AGAP1: variants seen among roughly 807,000 people sequenced by gnomAD.
AGAP1 encodes the protein ArfGAP with GTPase domain, ankyrin repeat and PH domain 1, also known as arf-GAP with GTPase, ANK repeat and PH domain-containing protein 1.
A neutral mutation model predicts 105.3 loss-of-function variants in AGAP1; 29 were observed. That is an observed-to-expected ratio of 0.28 (90% confidence interval 0.21 to 0.38). AGAP1 has a LOEUF of 0.38. Among genes scored for constraint, AGAP1 ranks in the 10% least tolerant of loss-of-function variants. The pLI is 1.00. For synonymous variants in AGAP1, 509 were observed against 485.9 expected (o/e 1.05, Z -0.63); for missense variants, 998 against 1,165.1 (o/e 0.86, Z 2.09).
chr2:235,900,049 G>A lies in AGAP1; in HGVS notation c.1156-8689G>A, dbSNP rs899932049. ...CCACGCATGTTGGACACTGGCCTCCGCAGCACATGAAGCAGAGAAGTCTGC... is the reference window on the plus strand; with the variant it reads ...CCACGCATGTTGGACACTGGCCTCCACAGCACATGAAGCAGAGAAGTCTGC... On this transcript the variant is annotated intron_variant, in intron 10 of 17. Coordinates refer to ENST00000304032, the MANE Select transcript of AGAP1 (RefSeq NM_001037131.3). The surrounding 1 kb of genome is among the most constrained non-coding windows in gnomAD (Gnocchi z 5.5). Among the ~76,000 whole-genome samples the A allele has an allele frequency of 3.3e-5, 5 of 152,282 alleles. No individual in the cohort carries two copies. Among genetic ancestry groups the A allele is most frequent in the African/African-American group, 9.6e-5 (4 of 41,548 alleles).
rs551993235 is a variant in AGAP1, at chr2:235,551,486, G to C, written c.163+56637G>C. Among the ~76,000 whole-genome samples, 1 of 151,944 alleles carries C rather than the reference G, an allele frequency of 6.6e-6. No individual in the cohort carries two copies. The highest frequency in any genetic ancestry group is 1.9e-4 in the East Asian group (1 of 5,142). ...ACACCTGGCTGATTTTTTTTGTAGA[G>C]ACGGGTCGTCCAGTGATACTCAGAT... On this transcript the variant is annotated intron_variant, in intron 1 of 17. Coordinates refer to ENST00000304032, the MANE Select transcript of AGAP1 (RefSeq NM_001037131.3). The surrounding 1 kb of genome is among the most constrained non-coding windows in gnomAD (Gnocchi z 4.8).
At chr2:235,644,798 A>C (rs1947318372) in intron 1 of AGAP1, among the ~76,000 whole-genome samples, 1 of 152,176 alleles carries the variant, frequency 6.6e-6, no homozygotes, top group African/African-American at 2.4e-5. Flanking sequence ...TGTTGACGCT[A>C]TAGCAATATT....
intron 1 of AGAP1, among the ~76,000 whole-genome samples, chr2:235,584,395 TA>T (rs1035945055): frequency 3.3e-5 from 5 of 150,722 alleles, no homozygotes; most frequent in Non-Finnish European, 7.4e-5. Context: ...GTTCAAGTCC[TA>T]ACCTTGGTAG....
intron 1 of AGAP1, among the ~76,000 whole-genome samples, chr2:235,632,720 G>A (rs944247742): frequency 1.3e-5 from 2 of 152,140 alleles, no homozygotes; most frequent in African/African-American, 2.4e-5. Context: ...TTAGGTGGCC[G>A]TGTTTCCCAT....
At chr2:235,909,230 G>T (rs577556116) in intron 11 of AGAP1, among the ~76,000 whole-genome samples, 1 of 152,318 alleles carries the variant, frequency 6.6e-6, no homozygotes, top group African/African-American at 2.4e-5. Context: ...ACGTTAAAGT[G>T]TCAAAGATTA....
chr2:235,818,363 C>T (rs901092286), intron 9 of AGAP1, among the ~76,000 whole-genome samples: 1 of 152,208 alleles, frequency 6.6e-6, no homozygotes, highest in Non-Finnish European at 1.5e-5. Flanking sequence ...GGAGTCCTCT[C>T]TGAAACATTC....
rs535981689 is a variant in AGAP1, at chr2:235,936,699, G to A, written c.1483+5776G>A. On this transcript the variant is annotated intron_variant, in intron 12 of 17. Transcript: ENST00000304032. The surrounding 1 kb of genome is among the most constrained non-coding windows in gnomAD (Gnocchi z 4.7). ...CGGTAATGTGATACTGCCGGTCTCTGACCTGGAAGCTTCTTTGATGGGAGG... is the reference window on the plus strand; with the variant it reads ...CGGTAATGTGATACTGCCGGTCTCTAACCTGGAAGCTTCTTTGATGGGAGG... 6.6e-6 allele frequency among the ~76,000 whole-genome samples: 1 copy of A among 152,246 alleles called. No individual in the cohort carries two copies. Among genetic ancestry groups the A allele is most frequent in the East Asian group, 1.9e-4 (1 of 5,160 alleles).
chr2:235,588,736 AG>A (rs1332910914), intron 1 of AGAP1, among the ~76,000 whole-genome samples: 5 of 152,182 alleles, frequency 3.3e-5, no homozygotes, highest in African/African-American at 1.2e-4. Flanking sequence ...GGAGATTACT[AG>A]GGTAAATTAT....
rs555388912 is a variant in AGAP1, at chr2:236,114,161, G to A, written c.2115-6031G>A. On this transcript the variant is annotated intron_variant, in intron 16 of 17. Coordinates refer to ENST00000304032, the MANE Select transcript of AGAP1 (RefSeq NM_001037131.3). This position sits in a 1 kb window ranked among gnomAD's most constrained non-coding sequence, Gnocchi z 5.0. ...GGAGGCTGTGAACGGTGATCCTCCC[G>A]GGGATTGGAATGAGGGGAGGTGATC... Among the ~76,000 whole-genome samples, 24 of 152,170 alleles carry A rather than the reference G, an allele frequency of 1.6e-4. No individual in the cohort carries two copies. Among genetic ancestry groups the A allele is most frequent in the Non-Finnish European group, 2.9e-4 (20 of 68,004 alleles).
chr2:235,838,902 C>G (rs968581145), intron 9 of AGAP1, among the ~76,000 whole-genome samples: 1 of 151,946 alleles, frequency 6.6e-6, no homozygotes, highest in Non-Finnish European at 1.5e-5. Context: ...TTTGGACTTA[C>G]AAGTGAAAAA....
intron 9 of AGAP1, among the ~76,000 whole-genome samples, chr2:235,841,595 A>C (rs1213317050): frequency 1.3e-5 from 2 of 152,132 alleles, no homozygotes; most frequent in Non-Finnish European, 2.9e-5. Flanking sequence ...TCGCCACTGC[A>C]CTCCAGTGTG....
rs1189615073 is a variant in AGAP1 at position 235,875,743 on chromosome 2, G to A, written c.1051-7602G>A. On this transcript the variant is annotated intron_variant, in intron 9 of 17. Coordinates refer to ENST00000304032, the MANE Select transcript of AGAP1 (RefSeq NM_001037131.3). The surrounding 1 kb of genome is among the most constrained non-coding windows in gnomAD (Gnocchi z 4.0). Reference sequence around the variant, plus strand: ...GAGACTTGTGTGTTAGTTGTGCACAGATACCTACACTTCCCACTGCCCGAC... The same window carrying A: ...GAGACTTGTGTGTTAGTTGTGCACAAATACCTACACTTCCCACTGCCCGAC... Among the ~76,000 whole-genome samples the A allele has an allele frequency of 6.6e-6, 1 of 152,162 alleles. No individual in the cohort carries two copies. The highest frequency in any genetic ancestry group is 2.4e-5 in the African/African-American group (1 of 41,432).
chr2:235,578,589 C>G lies in AGAP1; in HGVS notation c.163+83740C>G, dbSNP rs1027196831. Among the ~76,000 whole-genome samples the G allele has an allele frequency of 4.0e-5, 6 of 151,816 alleles. No individual in the cohort carries two copies. The highest frequency in any genetic ancestry group is 8.8e-5 in the Non-Finnish European group (6 of 67,948). On this transcript the variant is annotated intron_variant, in intron 1 of 17. Coordinates refer to ENST00000304032, the MANE Select transcript of AGAP1 (RefSeq NM_001037131.3). This position sits in a 1 kb window ranked among gnomAD's most constrained non-coding sequence, Gnocchi z 4.9. ...CTTGAGGTCAGGAGTTTGAGACCAG[C>G]CTGGGCAACATGGTGAAACCTCGTC...
At chr2:236,034,056 TA>T (rs1308535451) in intron 13 of AGAP1, among the ~76,000 whole-genome samples, 3 of 152,210 alleles carry the variant, frequency 2.0e-5, no homozygotes, top group Non-Finnish European at 2.9e-5. Context: ...AACTGTGAGT[TA>T]TGTAGTTTTT....
intron 1 of AGAP1, among the ~76,000 whole-genome samples, chr2:235,500,483 C>T (rs957608127): frequency 3.9e-5 from 6 of 152,234 alleles, no homozygotes; most frequent in Non-Finnish European, 8.8e-5. Flanking sequence ...GGAAAGGCAG[C>T]TCCAGTTGAC....
chr2:235,575,270 T>G (rs1944695994), intron 1 of AGAP1, among the ~76,000 whole-genome samples: 1 of 152,206 alleles, frequency 6.6e-6, no homozygotes, highest in Non-Finnish European at 1.5e-5. Flanking sequence ...CTAAATTACA[T>G]GTCATGTTTG....
At position 235,517,240 on chromosome 2, in the gene AGAP1, T is replaced by C. The variant is rs1942426646; in HGVS notation, c.163+22391T>C. The stretch of plus-strand genomic sequence containing the variant: ...TTGGATGAGGGTCCCACCCTTAAGC[T>C]GCCATATTACCATGATTGCCTCCTT... On this transcript the variant is annotated intron_variant, in intron 1 of 17. Transcript: ENST00000304032. This position sits in a 1 kb window ranked among gnomAD's most constrained non-coding sequence, Gnocchi z 4.1. 6.6e-6 allele frequency among the ~76,000 whole-genome samples: 1 copy of C among 152,194 alleles called. No individual in the cohort carries two copies. The highest frequency in any genetic ancestry group is 2.1e-4 in the South Asian group (1 of 4,830).
Position 235,979,122 on chromosome 2 carries a change from T to G in AGAP1, c.1645+10499T>G, listed in dbSNP as rs912561225. 6.6e-5 allele frequency among the ~76,000 whole-genome samples: 10 copies of G among 151,040 alleles called. No homozygotes were observed. The highest frequency in any genetic ancestry group is 2.2e-4 in the African/African-American group (9 of 40,668). On this transcript the variant is annotated intron_variant, in intron 13 of 17. Transcript: ENST00000304032. This position sits in a 1 kb window ranked among gnomAD's most constrained non-coding sequence, Gnocchi z 4.5. The stretch of plus-strand genomic sequence containing the variant: ...GGATGACAGAAGTGTATTTGTGGGG[T>G]TTTTTTGTTGTTGTTTTTGTTTTTT...
At chr2:236,052,164 A>T (rs890626928) in intron 16 of AGAP1, among the ~76,000 whole-genome samples, 1 of 152,142 alleles carries the variant, frequency 6.6e-6, no homozygotes, top group South Asian at 2.1e-4. Context: ...TTTTCTCTCT[A>T]TCAAAGGAAA....
Sources: gnomAD v4.1 joint callset for allele counts (sites outside exome capture counted in the v4.1 genomes callset) on GRCh38, gnomAD v4.1.1 for gene constraint, Gnocchi (gnomAD v3.1) non-coding constraint, MANE v1.5 for transcripts, NCBI Gene and HGNC (gene_info 2026-07-23, HGNC 2026-07-21) for gene names.